Variants in COTL1 observed in about 807,000 individuals in gnomAD.
The protein encoded by COTL1 is coactosin-like protein.
COTL1 carries 15 observed loss-of-function variants against 16.5 expected under a neutral mutation model. That is an observed-to-expected ratio of 0.91 (90% CI 0.61 to 1.40). The LOEUF (loss-of-function observed/expected upper bound fraction) is 1.40, where lower values mean the gene tolerates loss of function less well. Ranked by LOEUF, COTL1 falls within the 40% of genes most tolerant of loss-of-function variation. The pLI is 0.00. For synonymous variants in COTL1, 112 were observed against 85.3 expected (o/e 1.31, Z -1.73); for missense variants, 220 against 201.5 (o/e 1.09, Z -0.56).
chr16:84,617,387 CA>C (rs1306413183), intron 2 of COTL1, 113 bp downstream of exon 2: 3 of 931,670 alleles, frequency 3.2e-6, no homozygotes, highest in African/African-American at 3.3e-5. Context: ...CGCCATGCGC[CA>C]GGGGCACCCC....
At chr16:84,580,297 C>T (rs1314322269) in intron 3 of COTL1, among the ~76,000 whole-genome samples, 1 of 152,232 alleles carries the variant, frequency 6.6e-6, no homozygotes, top group Non-Finnish European at 1.5e-5. Context: ...GTCGCCCACA[C>T]TGGAGTGCCA....
At chr16:84,608,826 A>T (rs2150696252) in intron 2 of COTL1, among the ~76,000 whole-genome samples, 1 of 152,316 alleles carries the variant, frequency 6.6e-6, no homozygotes, top group Non-Finnish European at 1.5e-5. Context: ...GAATCGCCTG[A>T]GCTGGGAGGC....
At chr16:84,588,933 C>T (rs1402064346) in intron 3 of COTL1, among the ~76,000 whole-genome samples, 5 of 152,170 alleles carry the variant, frequency 3.3e-5, no homozygotes, top group East Asian at 3.9e-4. Context: ...GTGTCTTTAG[C>T]TATCACCCAC....
rs138708532 is a variant in COTL1 at position 84,589,018 on chromosome 16, T to C, written c.318+1087A>G. 6.2e-3 allele frequency among the ~76,000 whole-genome samples: 950 copies of C among 152,166 alleles called. 9 individuals are homozygous for C. The highest frequency in any genetic ancestry group is 0.021 in the African/African-American group (872 of 41,510). On this transcript the variant is annotated intron_variant, in intron 3 of 3. Coordinates refer to ENST00000262428, the MANE Select transcript of COTL1 (RefSeq NM_021149.5). ...CAGGAATTCGCTCTGTTGCCCAGGC[T>C]GGAGTGCAGTGGTGCGATCATGGCT...
chr16:84,601,176 G>A (rs969693363), intron 2 of COTL1, among the ~76,000 whole-genome samples: 1 of 152,190 alleles, frequency 6.6e-6, no homozygotes, highest in African/African-American at 2.4e-5. Context: ...GCTTTTCACT[G>A]TTGTGCTGCC....
intron 2 of COTL1, among the ~76,000 whole-genome samples, chr16:84,592,964 T>C (rs1904907446): frequency 6.6e-6 from 1 of 152,236 alleles, no homozygotes; most frequent in African/African-American, 2.4e-5. Context: ...ACCACTCACA[T>C]TGGCACACCA....
chr16:84,577,394 G>A (rs999155374), intron 3 of COTL1, among the ~76,000 whole-genome samples: 9 of 152,086 alleles, frequency 5.9e-5, no homozygotes, highest in Admixed American at 1.3e-4. Context: ...ACAGGCATGC[G>A]CCATCACACC....
At chr16:84,592,982 G>C (rs148538308) in intron 2 of COTL1, among the ~76,000 whole-genome samples, 4 of 152,338 alleles carry the variant, frequency 2.6e-5, no homozygotes, top group Non-Finnish European at 5.9e-5. Flanking sequence ...CCACTTTTCA[G>C]TTTACAAAAC....
At chr16:84,594,540 G>C (rs112044008) in intron 2 of COTL1, 4 of 152,350 alleles carry the variant, frequency 2.6e-5, no homozygotes, top group African/African-American at 9.6e-5. Flanking sequence ...CAACACCAAA[G>C]TGCTTAATTA....
chr16:84,601,581 C>T (rs1249808526), intron 2 of COTL1, among the ~76,000 whole-genome samples: 3 of 152,126 alleles, frequency 2.0e-5, no homozygotes, highest in African/African-American at 7.2e-5. Flanking sequence ...CTCAGCCTCC[C>T]GAGTAGCTGG....
chr16:84,587,583 G>A (rs1309812424), intron 3 of COTL1, among the ~76,000 whole-genome samples: 4 of 152,066 alleles, frequency 2.6e-5, no homozygotes, highest in African/African-American at 9.7e-5. Flanking sequence ...TACAAAGGTG[G>A]TGCATCCATA....
intron 3 of COTL1, among the ~76,000 whole-genome samples, chr16:84,588,403 C>G (rs185475974): frequency 6.6e-6 from 1 of 152,266 alleles, no homozygotes; most frequent in African/African-American, 2.4e-5. Context: ...AACATTGGTA[C>G]ATTACAATTA....
intron 3 of COTL1, 159 bp from the exon 4 acceptor site, chr16:84,567,114 C>A: frequency 1.2e-5 from 7 of 605,774 alleles, no homozygotes; most frequent in South Asian, 1.1e-4. Flanking sequence ...AATTCAGCAG[C>A]AGAGTCAATG....
At chr16:84,610,662 C>T (rs940384117) in intron 2 of COTL1, among the ~76,000 whole-genome samples, 15 of 152,066 alleles carry the variant, frequency 9.9e-5, no homozygotes, top group African/African-American at 3.6e-4. Context: ...ACAGGAACTA[C>T]ATTGGTTGAC....
intron 2 of COTL1, among the ~76,000 whole-genome samples, chr16:84,610,899 A>C (rs1023070992): frequency 1.3e-5 from 2 of 152,156 alleles, no homozygotes; most frequent in African/African-American, 4.8e-5. Context: ...TTCATGAAGA[A>C]GCCTTTTCTG....
At chr16:84,593,950 C>T (rs1472173228) in intron 2 of COTL1, among the ~76,000 whole-genome samples, 2 of 152,224 alleles carry the variant, frequency 1.3e-5, no homozygotes, top group African/African-American at 4.8e-5. Context: ...CCCCCAGGCC[C>T]TGGCAGCCAC....
intron 3 of COTL1, among the ~76,000 whole-genome samples, chr16:84,583,932 AT>A (rs1807365531): frequency 6.6e-6 from 1 of 152,122 alleles, no homozygotes; most frequent in Admixed American, 6.6e-5. Flanking sequence ...GTGAACGTTC[AT>A]ATTATGTTAA....
rs114925708 is a variant in COTL1, at chr16:84,594,467, C to G, written c.161-4205G>C. 2.2e-3 allele frequency: 337 copies of G among 152,438 alleles called. 1 individual carries two copies. The highest frequency in any genetic ancestry group is 7.8e-3 in the African/African-American group (323 of 41,582). 9.4% of individuals were successfully genotyped at this position (152,438 alleles called of 1,614,324 possible). A position where few individuals can be genotyped will look rare whatever the true frequency, so the allele number is the denominator to read the frequency against. ...GCAGCGCTTTAGCTCGAGAGCATTTCTCAGCAGTCCCCGTGGTGTCTGGGA... is the reference window on the plus strand; with the variant it reads ...GCAGCGCTTTAGCTCGAGAGCATTTGTCAGCAGTCCCCGTGGTGTCTGGGA... On this transcript the variant is annotated intron_variant, in intron 2 of 3. Coordinates refer to ENST00000262428, the MANE Select transcript of COTL1 (RefSeq NM_021149.5).
At chr16:84,572,907 C>T (rs1904363638) in intron 3 of COTL1, among the ~76,000 whole-genome samples, 1 of 145,650 alleles carries the variant, frequency 6.9e-6, no homozygotes, top group Non-Finnish European at 1.5e-5. Context: ...TACACACCAC[C>T]ATGCCCGACT....
Sources: allele counts gnomAD v4.1 joint callset (sites outside exome capture counted in the v4.1 genomes callset), GRCh38; gene constraint gnomAD v4.1.1; transcripts MANE v1.5; gene names NCBI Gene and HGNC (gene_info 2026-07-23, HGNC 2026-07-21).